The following TRMT11 variants were observed in gnomAD, a reference collection of about 807,000 sequenced individuals.
TRMT11 encodes the protein tRNA (guanine(10)-N(2))-methyltransferase TRMT11.
Under a neutral mutation model 62.8 loss-of-function variants are expected in TRMT11, and 53 were observed. The ratio of observed to expected loss-of-function variants is 0.84; its 90% CI spans 0.68 to 1.06. The LOEUF is 1.06. TRMT11 is among the 50% of genes least tolerant of loss of function. The probability of loss-of-function intolerance (pLI) is 0.00; values close to 1 mark genes in which losing one functional copy is unlikely to be tolerated. For synonymous variants in TRMT11, 188 were observed against 190.3 expected (o/e 0.99, Z 0.10); for missense variants, 556 against 553.4 (o/e 1.00, Z -0.05).
intron 1 of TRMT11, chr6:125,986,824 G>C (rs1243440751): frequency 3.6e-6 from 2 of 561,920 alleles, no homozygotes; most frequent in Non-Finnish European, 6.3e-6. Flanking sequence ...CAAACCCCTC[G>C]GCCTGCTTAA....
intron 17 of TRMT11, among the ~76,000 whole-genome samples, chr6:126,093,488 T>A (rs974157145): frequency 4.0e-5 from 6 of 148,676 alleles, no homozygotes; most frequent in Non-Finnish European, 8.9e-5. Flanking sequence ...GCTTTCTTAT[T>A]ATGATTATAA....
At chr6:126,260,001 G>GT in the TRMT11 span, among the ~76,000 whole-genome samples, 4 of 151,848 alleles carry the variant, frequency 2.6e-5, no homozygotes, top group South Asian at 2.1e-4. Flanking sequence ...GTTGGGTCTA[G>GT]TTTTTTTTAT....
chr6:126,159,862 CCT>C (rs1422992661), intron 21 of TRMT11, among the ~76,000 whole-genome samples: 5 of 152,086 alleles, frequency 3.3e-5, no homozygotes. Context: ...TGTCTCTTCT[CCT>C]CTCTCTCTTG....
At chr6:126,032,366 C>T (rs892781403) in intron 12 of TRMT11, among the ~76,000 whole-genome samples, 7 of 152,154 alleles carry the variant, frequency 4.6e-5, no homozygotes, top group Admixed American at 4.6e-4. Context: ...CTACTTCTGG[C>T]CTGTCCAGTC....
At position 126,151,822 on chromosome 6, in the gene TRMT11, C is replaced by CTTTAGTTTCCTT. The variant is rs1554242202; in HGVS notation, c.*1824-23000_*1824-22999insAGTTTCCTTTTT. The stretch of plus-strand genomic sequence containing the variant: ...CTCTCTGTCTTTTCTTTCTTTCTTT[C>CTTTAGTTTCCTT]TTTCTTTCTTTCTTTCTTTCTTTCT... On this transcript the variant is annotated intron_variant and NMD_transcript_variant, in intron 21 of 22. Coordinates refer to the TRMT11 transcript ENST00000648977. Among the ~76,000 whole-genome samples the CTTTAGTTTCCTT allele has an allele frequency of 5.3e-5, 6 of 112,314 alleles. 1 individual carries two copies. The highest frequency in any genetic ancestry group is 2.2e-4 in the African/African-American group (6 of 27,226). 73.7% of individuals were successfully genotyped at this position (112,314 alleles called of 152,430 possible).
chr6:126,184,397 C>T (rs1022619007), intron 1 of TRMT11, among the ~76,000 whole-genome samples: 3 of 152,172 alleles, frequency 2.0e-5, no homozygotes, highest in African/African-American at 7.2e-5. Flanking sequence ...AATGTTCTTA[C>T]TTTGAAGTCC....
chr6:126,056,987 A>G (rs575094500), intron 17 of TRMT11, among the ~76,000 whole-genome samples: 11 of 152,326 alleles, frequency 7.2e-5, no homozygotes, highest in Admixed American at 2.0e-4. Flanking sequence ...GAAGGGATCA[A>G]TGTCCTTCTG....
chr6:126,008,911 A>G (rs1350648611), intron 8 of TRMT11, among the ~76,000 whole-genome samples: 1 of 151,854 alleles, frequency 6.6e-6, no homozygotes, highest in African/African-American at 2.4e-5. Context: ...ATTGTGATAT[A>G]ATTTTACTTG....
the TRMT11 span, among the ~76,000 whole-genome samples, chr6:126,270,350 G>A: frequency 2.6e-5 from 4 of 152,136 alleles, no homozygotes; most frequent in African/African-American, 9.7e-5. Flanking sequence ...AATAAGGATG[G>A]TGAAGAACCT....
the TRMT11 span, among the ~76,000 whole-genome samples, chr6:126,251,674 T>C: frequency 5.5e-4 from 84 of 152,334 alleles, no homozygotes; most frequent in East Asian, 0.013. Context: ...TCTGCTTCTA[T>C]GAGTTCATCT....
At chr6:126,015,525 A>G (rs893704244) in intron 11 of TRMT11, among the ~76,000 whole-genome samples, 1 of 152,024 alleles carries the variant, frequency 6.6e-6, no homozygotes, top group Non-Finnish European at 1.5e-5. Flanking sequence ...GCCTATCACT[A>G]ATCTTTTTGA....
the TRMT11 span, among the ~76,000 whole-genome samples, chr6:126,223,423 AAAAAC>A: frequency 0.26 from 37,969 of 148,730 alleles, 5,072 homozygotes; most frequent in African/African-American, 0.32. Context: ...TCCGTCTCGA[AAAAAC>A]AAAACAAAAC....
chr6:126,160,688 T>C (rs1201041118), intron 21 of TRMT11, among the ~76,000 whole-genome samples: 1 of 152,156 alleles, frequency 6.6e-6, no homozygotes, highest in Non-Finnish European at 1.5e-5. Flanking sequence ...CCCTCCTGCT[T>C]ACCACCCTCA....
chr6:126,143,626 C>A (rs918160563), intron 21 of TRMT11, among the ~76,000 whole-genome samples: 11 of 152,114 alleles, frequency 7.2e-5, no homozygotes, highest in African/African-American at 2.4e-4. Context: ...AAGAAACATG[C>A]CAAATCACTG....
the TRMT11 span, among the ~76,000 whole-genome samples, chr6:126,235,042 G>A: frequency 6.6e-6 from 1 of 152,138 alleles, no homozygotes; most frequent in Non-Finnish European, 1.5e-5. Flanking sequence ...AGTGGGCAAA[G>A]GACATGAACA....
At chr6:126,237,229 C>G in the TRMT11 span, among the ~76,000 whole-genome samples, 4 of 152,286 alleles carry the variant, frequency 2.6e-5, no homozygotes, top group African/African-American at 9.6e-5. Context: ...ATCCTTGTAT[C>G]TCCCTTAAGC....
the TRMT11 span, among the ~76,000 whole-genome samples, chr6:126,253,404 A>G: frequency 1.3e-5 from 2 of 152,368 alleles, no homozygotes; most frequent in African/African-American, 4.8e-5. Context: ...GCAGGAGTAC[A>G]ATCTAAAATA....
At chr6:126,095,544 G>A (rs1386679098) in intron 17 of TRMT11, among the ~76,000 whole-genome samples, 2 of 152,190 alleles carry the variant, frequency 1.3e-5, no homozygotes, top group Admixed American at 6.5e-5. Context: ...GGCTTTCAAT[G>A]TAGATCACGT....
chr6:125,986,574 C>G lies in TRMT11; in HGVS notation c.24C>G (p.Asn8Lys). 6.3e-7 allele frequency: 1 copy of G among 1,592,068 alleles called. No homozygotes were observed. Among genetic ancestry groups the G allele is most frequent in the Non-Finnish European group, 8.5e-7 (1 of 1,171,462 alleles). MALSCTL[N>K]RYLLLMAQEH... The stretch of plus-strand genomic sequence containing the variant: ...CAATGGCGCTGTCGTGTACCCTTAA[C>G]AGGTATCTGCTCCTCATGGCGCAGG... Residue 8 changes from asparagine to lysine, a missense_variant, in exon 1 of 13, where the codon AAC becomes AAG. By Grantham distance (94) the Asn-to-Lys change is moderately conservative. Transcript: ENST00000334379.
Sources: allele counts gnomAD v4.1 joint callset (sites outside exome capture counted in the v4.1 genomes callset), GRCh38; gene constraint gnomAD v4.1.1; transcripts MANE v1.5; gene names NCBI Gene and HGNC (gene_info 2026-07-23, HGNC 2026-07-21).